PCDHA7: variants seen among roughly 807,000 people sequenced by gnomAD.
PCDHA7 encodes the protein protocadherin alpha 7, also known as protocadherin alpha-7.
A neutral mutation model predicts 57.2 loss-of-function variants in PCDHA7; 37 were observed. The ratio of observed to expected loss-of-function variants is 0.65; its 90% confidence interval spans 0.50 to 0.85. The LOEUF is 0.85. Among genes scored for constraint, PCDHA7 ranks in the 40% least tolerant of loss-of-function variants. The probability of loss-of-function intolerance (pLI) is 0.00; values close to 1 mark genes in which losing one functional copy is unlikely to be tolerated. For missense variants in PCDHA7, 1,188 were observed against 1,241.8 expected, an observed-to-expected ratio of 0.96 and a Z score of 0.65; for synonymous variants, 553 against 558.8, an observed-to-expected ratio of 0.99 and a Z score of 0.15.
At chr5:140,940,557 T>C (rs1554213484) in intron 1 of PCDHA7, among the ~76,000 whole-genome samples, 1 of 152,204 alleles carries the variant, frequency 6.6e-6, no homozygotes. Context: ...CAAGTGATTC[T>C]CCTACCTTGG....
At chr5:140,883,402 C>G (rs2153393597) in intron 1 of PCDHA7, 1 of 1,614,192 alleles carries the variant, frequency 6.2e-7, no homozygotes, top group Middle Eastern at 1.6e-4. Context: ...CCGATCGTGA[C>G]TCTGGCTCAA....
intron 1 of PCDHA7, among the ~76,000 whole-genome samples, chr5:140,951,473 C>G (rs1009151700): frequency 1.3e-5 from 2 of 151,880 alleles, no homozygotes; most frequent in Non-Finnish European, 2.9e-5. Context: ...TTCTGGGGAG[C>G]CTTCAAGAAT....
intron 1 of PCDHA7, chr5:140,865,868 G>A (rs2049029480): frequency 1.3e-5 from 2 of 152,098 alleles, no homozygotes; most frequent in African/African-American, 2.4e-5. Context: ...CATGGTCTCG[G>A]CTAGGAAAAT....
intron 1 of PCDHA7, among the ~76,000 whole-genome samples, chr5:140,890,775 C>T (rs1583027889): frequency 1.3e-5 from 2 of 152,158 alleles, no homozygotes; most frequent in East Asian, 3.9e-4. Context: ...TTTAAAACCC[C>T]ATAAGATATT....
intron 1 of PCDHA7, among the ~76,000 whole-genome samples, chr5:140,937,927 A>T (rs1376744977): frequency 1.3e-5 from 2 of 149,332 alleles, no homozygotes; most frequent in East Asian, 2.0e-4. Context: ...AAAAAAAAAA[A>T]GTTTAATTTG....
rs2150411326 is a variant in PCDHA7 at position 140,848,495 on chromosome 5, A to C, written c.2355+11757A>C. On this transcript the variant is annotated intron_variant, in intron 1 of 3. Transcript: ENST00000525929. ...AATTAGAAGAAGACTGAGTATTTGA[A>C]ATGTTATACTCAAGTCGAGGAGATC... is the stretch of plus-strand genomic sequence containing the variant. 86 of 1,576,710 alleles carry C rather than the reference A, an allele frequency of 5.5e-5. 9 individuals are homozygous for C. The highest frequency in any genetic ancestry group is 7.3e-5 in the Non-Finnish European group (84 of 1,155,398).
chr5:140,938,237 T>A (rs1287300526), intron 1 of PCDHA7, among the ~76,000 whole-genome samples: 1 of 152,208 alleles, frequency 6.6e-6, no homozygotes, highest in African/African-American at 2.4e-5. Context: ...TAGGCCACCA[T>A]GCCTGGTCTT....
intron 1 of PCDHA7, chr5:140,869,581 GC>G: frequency 6.2e-7 from 1 of 1,614,134 alleles, no homozygotes; most frequent in Non-Finnish European, 8.5e-7. Flanking sequence ...AGCTTCTGAT[GC>G]TGACATTGAA....
At chr5:140,897,187 TA>T (rs1554187233) in intron 1 of PCDHA7, among the ~76,000 whole-genome samples, 7 of 152,166 alleles carry the variant, frequency 4.6e-5, no homozygotes, top group Non-Finnish European at 1.0e-4. Context: ...TCAAAAAATA[TA>T]TTTTTTTATT....
chr5:140,853,603 G>A (rs1358386755), intron 1 of PCDHA7: 2 of 987,254 alleles, frequency 2.0e-6, no homozygotes, highest in South Asian at 4.7e-5. Flanking sequence ...GAGAGCAAAG[G>A]GGGTGCTGTA....
intron 1 of PCDHA7, chr5:140,967,704 G>A: frequency 6.2e-7 from 1 of 1,614,196 alleles, no homozygotes; most frequent in Non-Finnish European, 8.5e-7. Context: ...ATAGATGCCA[G>A]TACCGGGGAA....
intron 1 of PCDHA7, chr5:140,882,822 G>C: frequency 6.2e-7 from 1 of 1,614,198 alleles, no homozygotes; most frequent in South Asian, 1.1e-5. Context: ...GCACAAAACA[G>C]TCTTGAGCAA....
intron 1 of PCDHA7, among the ~76,000 whole-genome samples, chr5:140,905,301 C>T (rs1476283859): frequency 6.6e-6 from 1 of 152,182 alleles, no homozygotes; most frequent in Admixed American, 6.5e-5. Context: ...GGTGTCCTTT[C>T]CACACTTTGT....
At position 140,856,324 on chromosome 5, in the gene PCDHA7, G is replaced by A. The variant is rs1221183425; in HGVS notation, c.2355+19586G>A. ...TTGTGAATTCTCGGATTGACCGCGA[G>A]GAGCTGTGCGGGCGGAGCGTGGAGT... On this transcript the variant is annotated intron_variant, in intron 1 of 3. Coordinates refer to ENST00000525929, the MANE Select transcript of PCDHA7 (RefSeq NM_018910.3). The A allele has an allele frequency of 6.3e-6, 10 of 1,598,594 alleles. 1 individual carries two copies. Among genetic ancestry groups the A allele is most frequent in the Non-Finnish European group, 8.6e-6 (10 of 1,168,074 alleles).
Position 140,886,603 on chromosome 5 carries a change from G to GGATCAGGA in PCDHA7, c.2355+49875_2355+49882dup, listed in dbSNP as rs567691866. On this transcript the variant is annotated intron_variant, in intron 1 of 3. Coordinates refer to ENST00000525929, the MANE Select transcript of PCDHA7 (RefSeq NM_018910.3). ...AGCACTTTGGGAGGCCAAGGTGGGC[G>GGATCAGGA]GATCAGGAGATCAGGAGTCCGAGAC... 2.7e-3 allele frequency among the ~76,000 whole-genome samples: 409 copies of GGATCAGGA among 152,092 alleles called. 3 individuals carry two copies. The highest frequency in any genetic ancestry group is 0.014 in the Middle Eastern group (4 of 294).
At chr5:140,893,510 G>A (rs1554185640) in intron 1 of PCDHA7, among the ~76,000 whole-genome samples, 1 of 152,148 alleles carries the variant, frequency 6.6e-6, no homozygotes, top group African/African-American at 2.4e-5. Flanking sequence ...AAAAAAAGCA[G>A]TTGTAGAACT....
At chr5:140,873,291 T>G (rs1392246125) in intron 1 of PCDHA7, among the ~76,000 whole-genome samples, 1 of 152,198 alleles carries the variant, frequency 6.6e-6, no homozygotes, top group Admixed American at 6.5e-5. Context: ...TTATGAAACT[T>G]TATAAATATA....
At chr5:140,877,599 C>A in intron 1 of PCDHA7, 1 of 1,613,882 alleles carries the variant, frequency 6.2e-7, no homozygotes, top group South Asian at 1.1e-5. Flanking sequence ...CGGTGTCCAG[C>A]CTGCTGGTGC....
Position 141,009,839 on chromosome 5 carries a change from A to G in PCDHA7, c.2716A>G (p.Lys906Glu), listed in dbSNP as rs2098414795. 6.2e-7 allele frequency: 1 copy of G among 1,614,164 alleles called. No individual in the cohort carries two copies. Residue 906 changes from lysine (K) to glutamate (E), a missense_variant, in exon 4 of 4, where the codon AAG becomes GAG. Around this residue, in one of 3 missense-constraint regions of PCDHA7, gnomAD observed 892 missense variants for 788.5 expected, o/e 1.13. Coordinates refer to ENST00000525929, the MANE Select transcript of PCDHA7 (RefSeq NM_018910.3). The part of the protein sequence containing the change: ...DKSDFITFGK[K>E]EETKKKKKKK... ...AAGTGACTTCATAACCTTCGGCAAA[A>G]AGGAGGAGACCAAGAAAAAGAAGAA...
Sources: allele counts gnomAD v4.1 joint callset (sites outside exome capture counted in the v4.1 genomes callset), GRCh38; gene constraint gnomAD v4.1.1; regional missense constraint gnomAD v4.1.1; transcripts MANE v1.5; gene names NCBI Gene and HGNC (gene_info 2026-07-23, HGNC 2026-07-21).